COL6A2: variants seen among roughly 807,000 people sequenced by gnomAD.
COL6A2 encodes collagen alpha-2(VI) chain.
A neutral mutation model predicts 124.9 loss-of-function variants in COL6A2; 90 were observed. The ratio of observed to expected loss-of-function variants is 0.72; its 90% confidence interval spans 0.61 to 0.86. The LOEUF (loss-of-function observed/expected upper bound fraction) is 0.86, where lower values mean the gene tolerates loss of function less well. COL6A2 is among the 40% of genes least tolerant of loss of function. The pLI, the probability that COL6A2 is intolerant of heterozygous loss-of-function variation, is 0.00. For missense variants in COL6A2, 1,607 were observed against 1,502.5 expected (o/e 1.07, Z -1.15); for synonymous variants, 793 against 618.2 (o/e 1.28, Z -4.19).
At chr21:46,113,983 T>C in intron 4 of COL6A2, 25 bp from the exon 5 acceptor site, 1 of 1,611,166 alleles carries the variant, frequency 6.2e-7, no homozygotes, top group East Asian at 2.2e-5. Context: ...CCATGCAACC[T>C]TCTGTCTCTG....
At chr21:46,119,140 C>T in intron 14 of COL6A2, 21 bp downstream of exon 14, 2 of 1,580,270 alleles carry the variant, frequency 1.3e-6, no homozygotes, top group Non-Finnish European at 1.7e-6. Flanking sequence ...CCTGCCCCTG[C>T]CTCAGGGCCC....
At chr21:46,113,897 C>T in intron 4 of COL6A2, 111 bp from the exon 5 acceptor site, 1 of 888,050 alleles carries the variant, frequency 1.1e-6, no homozygotes. Context: ...GGCATTTCAG[C>T]ATCTCCTTGG....
Position 46,126,540 on chromosome 21 carries a change from A to G in COL6A2, c.2460A>G (p.Thr820=). 1 of 1,613,374 alleles carries G rather than the reference A, an allele frequency of 6.2e-7. No homozygotes were observed. Among genetic ancestry groups the G allele is most frequent in the Non-Finnish European group, 8.5e-7 (1 of 1,179,896 alleles). Residue 820 remains threonine, a splice_region_variant and synonymous_variant, in exon 27 of 28, where the codon ACA becomes ACG. Coordinates refer to ENST00000300527, the MANE Select transcript of COL6A2 (RefSeq NM_001849.4). ...TGTGCCCAGACCTTCCCTGCCAAAC[A>G]GGTAATGCAGGGCACCCTGAGCCAC... ...QIVCPDLPCQ[T]ELSVAQCTQR...
In COL6A2 at chr21:46,121,622, C is replaced by A. The variant is rs886043036; in HGVS notation, c.1521+4C>A. The A allele has an allele frequency of 1.2e-6, 2 of 1,612,556 alleles. No individual in the cohort carries two copies. Among genetic ancestry groups the A allele is most frequent in the Non-Finnish European group, 1.7e-6 (2 of 1,179,862 alleles). On this transcript the variant is annotated splice_donor_region_variant and intron_variant, in intron 18 of 27. Transcript: ENST00000300527. The stretch of plus-strand genomic sequence containing the variant: ...CTCAGGACAGCCAGGCCCCAAGGTA[C>A]GTGCCCCTCCCCCAGCAGGACGTAT...
chr21:46,126,433 C>T (rs2078669141), intron 26 of COL6A2, 70 bp from the exon 27 acceptor site: 3 of 1,595,350 alleles, frequency 1.9e-6, no homozygotes, highest in South Asian at 2.2e-5. Flanking sequence ...CTAGGCAGAT[C>T]AGTGAACGGC....
In COL6A2 at chr21:46,126,547, G is replaced by T. The variant is rs752550942; in HGVS notation, c.2461+6G>T. The T allele has an allele frequency of 1.9e-6, 3 of 1,613,366 alleles. No homozygotes were observed. The East Asian group carries it at 6.7e-5, about 36-fold the overall frequency. On this transcript the variant is annotated splice_donor_region_variant and intron_variant, in intron 27 of 27. Coordinates refer to ENST00000300527, the MANE Select transcript of COL6A2 (RefSeq NM_001849.4). ...AGACCTTCCCTGCCAAACAGGTAAT[G>T]CAGGGCACCCTGAGCCACCACCCCA...
intron 27 of COL6A2, among the ~76,000 whole-genome samples, chr21:46,128,030 C>T (rs2078700274): frequency 6.6e-6 from 1 of 152,196 alleles, no homozygotes; most frequent in African/African-American, 2.4e-5. Flanking sequence ...CGACATCAGC[C>T]TGCACTTTTC....
chr21:46,112,572 G>A lies in COL6A2; in HGVS notation c.709G>A (p.Val237Ile), dbSNP rs752359061. ...DQDTINRIIK[V>I]MKHEAYGECY... Reference sequence around the variant, plus strand: ...GGACACCATCAACCGCATCATCAAGGTCATGGTGAGCCGCGGGCGGGAGCA... The same window carrying A: ...GGACACCATCAACCGCATCATCAAGATCATGGTGAGCCGCGGGCGGGAGCA... The change falls in exon 3 of 28, where the codon GTC (valine) becomes ATC (isoleucine). Residue 237 changes from valine (V) to isoleucine (I), a missense_variant. By Grantham distance (29) the Val-to-Ile change is conservative. This residue lies in a region of COL6A2 where 342 missense variants were observed against 381.5 expected (regional missense o/e 0.90). Coordinates refer to ENST00000300527, the MANE Select transcript of COL6A2 (RefSeq NM_001849.4). The A allele has an allele frequency of 3.1e-6, 5 of 1,612,084 alleles. No individual in the cohort carries two copies. Among genetic ancestry groups the A allele is most frequent in the South Asian group, 1.1e-5 (1 of 91,082 alleles).
intron 27 of COL6A2, chr21:46,129,739 C>A (rs1275099746): frequency 1.5e-6 from 2 of 1,369,470 alleles, no homozygotes; most frequent in East Asian, 2.7e-5. Context: ...TTATAAGAAC[C>A]CTGGTCATTG....
At chr21:46,129,654 A>C in intron 27 of COL6A2, 2 of 1,420,328 alleles carry the variant, frequency 1.4e-6, no homozygotes, top group Non-Finnish European at 9.2e-7. Flanking sequence ...GCCTCTTCCC[A>C]TGCTGGTGGC....
intron 23 of COL6A2, 62 bp from the exon 24 acceptor site, chr21:46,125,194 AGGCCAGGACC>A: frequency 7.0e-7 from 1 of 1,436,274 alleles, no homozygotes; most frequent in Non-Finnish European, 9.7e-7. Flanking sequence ...CGGGACCCCC[AGGCCAGGACC>A]TTGCTGTGGA....
chr21:46,120,669 C>A, intron 16 of COL6A2, 92 bp downstream of exon 16: 1 of 1,244,610 alleles, frequency 8.0e-7, no homozygotes, highest in Non-Finnish European at 1.1e-6. Flanking sequence ...GGGACTGCAC[C>A]CCAAGGTAGG....
chr21:46,119,058 G>C lies in COL6A2; in HGVS notation c.1208G>C (p.Gly403Ala). 1 of 1,612,254 alleles carries C rather than the reference G, an allele frequency of 6.2e-7. No homozygotes were observed. Among genetic ancestry groups the C allele is most frequent in the Non-Finnish European group, 8.5e-7 (1 of 1,179,562 alleles). The change falls in exon 14 of 28, where the codon GGA (glycine) becomes GCA (alanine). Residue 403 changes from glycine to alanine, a missense_variant. Transcript: ENST00000300527. ...TATCAAGGCAACAGTGGAGCCCCAG[G>C]AAGTCCTGGTGTGAAAGGAGCCAAG... ...KGYQGNSGAP[G>A]SPGVKGAKGG... is the part of the protein sequence containing the mutation.
At chr21:46,129,668 C>G in intron 27 of COL6A2, 1 of 1,422,880 alleles carries the variant, frequency 7.0e-7, no homozygotes, top group South Asian at 1.6e-5. Flanking sequence ...TGGTGGCCAC[C>G]GTGTCCCTTG....
chr21:46,115,743 G>A, intron 5 of COL6A2, 129 bp from the exon 6 acceptor site: 1 of 841,408 alleles, frequency 1.2e-6, no homozygotes, highest in Non-Finnish European at 2.0e-6. Flanking sequence ...CTGACACCAA[G>A]ACTTCTCCAC....
chr21:46,125,334 G>A (rs2123661013), intron 24 of COL6A2, 23 bp downstream of exon 24: 1 of 1,607,682 alleles, frequency 6.2e-7, no homozygotes, highest in Non-Finnish European at 8.5e-7. Flanking sequence ...CCACGGCAGG[G>A]TCGGGGCCCA....
chr21:46,126,894 T>A (rs16978880), intron 27 of COL6A2, among the ~76,000 whole-genome samples: 1 of 152,084 alleles, frequency 6.6e-6, no homozygotes, highest in African/African-American at 2.4e-5. Context: ...CATGTGCCAC[T>A]CGGAGGAAGC....
intron 1 of COL6A2, among the ~76,000 whole-genome samples, chr21:46,104,578 G>A (rs894740588): frequency 2.0e-5 from 3 of 152,158 alleles, no homozygotes; most frequent in Admixed American, 6.5e-5. Flanking sequence ...CATTGTAGGA[G>A]CCCCAGAAGA....
At chr21:46,128,970 C>T (rs755105424) in intron 27 of COL6A2, 21 of 1,609,434 alleles carry the variant, frequency 1.3e-5, no homozygotes, top group Middle Eastern at 1.6e-4. Context: ...AAGGTGCCAC[C>T]GTGCGGGTCT....
Sources: gnomAD v4.1 joint callset for allele counts (sites outside exome capture counted in the v4.1 genomes callset) on GRCh38, gnomAD v4.1.1 for gene constraint, gnomAD v4.1.1 regional missense constraint, MANE v1.5 for transcripts, NCBI Gene and HGNC (gene_info 2026-07-23, HGNC 2026-07-21) for gene names.